GPHN: variants seen among roughly 807,000 people sequenced by gnomAD.
The protein encoded by GPHN is gephyrin.
A neutral mutation model predicts 95.5 loss-of-function variants in GPHN; 17 were observed. That is an observed-to-expected ratio of 0.18 (90% CI 0.12 to 0.27). The LOEUF is 0.27. Among genes scored for constraint, GPHN ranks in the 10% least tolerant of loss-of-function variants. GPHN has a pLI of 1.00. For synonymous variants in GPHN, 320 were observed against 322.5 expected, an observed-to-expected ratio of 0.99 and a Z score of 0.08; for missense variants, 660 against 978.1, an observed-to-expected ratio of 0.67 and a Z score of 4.34.
chr14:67,185,494 T>C (rs140710452), downstream of GPHN, among the ~76,000 whole-genome samples: 3 of 152,366 alleles, frequency 2.0e-5, no homozygotes, highest in Non-Finnish European at 4.4e-5. Context: ...TGACAAATTA[T>C]ATAAGAAGCA....
At chr14:67,163,124 G>A (rs186513426) in intron 19 of GPHN, among the ~76,000 whole-genome samples, 3 of 152,106 alleles carry the variant, frequency 2.0e-5, no homozygotes, top group African/African-American at 7.2e-5. Context: ...TGGGCACATA[G>A]CGAGACCTCA....
intron 1 of GPHN, among the ~76,000 whole-genome samples, chr14:66,522,828 A>T (rs1236490227): frequency 1.3e-5 from 2 of 151,672 alleles, no homozygotes. Flanking sequence ...ATGTTGACTG[A>T]ATATATTCTT....
the GPHN span, among the ~76,000 whole-genome samples, chr14:67,600,894 A>G: frequency 6.6e-6 from 1 of 152,134 alleles, no homozygotes; most frequent in African/African-American, 2.4e-5. Flanking sequence ...CCACAGTTTT[A>G]ATCATGCTTT....
At chr14:66,915,185 A>G (rs2065845558) in intron 5 of GPHN, among the ~76,000 whole-genome samples, 1 of 152,196 alleles carries the variant, frequency 6.6e-6, no homozygotes, top group South Asian at 2.1e-4. Context: ...AGAAAAACTC[A>G]GTCAAGACAT....
At chr14:66,538,662 T>G (rs545582287) in intron 1 of GPHN, among the ~76,000 whole-genome samples, 1 of 152,084 alleles carries the variant, frequency 6.6e-6, no homozygotes, top group South Asian at 2.1e-4. Flanking sequence ...ATTCATTTTT[T>G]TTCCTTCCCT....
chr14:67,150,917 C>G (rs1039953988), intron 18 of GPHN, among the ~76,000 whole-genome samples: 1 of 151,942 alleles, frequency 6.6e-6, no homozygotes, highest in African/African-American at 2.4e-5. Flanking sequence ...CAGATTTATC[C>G]TAATTATATG....
intron 1 of GPHN, among the ~76,000 whole-genome samples, chr14:66,649,849 T>G (rs1472866215): frequency 6.6e-6 from 1 of 152,140 alleles, no homozygotes; most frequent in Non-Finnish European, 1.5e-5. Flanking sequence ...CTGCATCTGG[T>G]GGTAACGCTT....
rs34446302 is a variant in GPHN at position 67,138,887 on chromosome 14, C to CTT, written c.1749-4447_1749-4446dup. 1.7e-3 allele frequency among the ~76,000 whole-genome samples: 162 copies of CTT among 94,686 alleles called. 5 individuals are homozygous for CTT. Among genetic ancestry groups the CTT allele is most frequent in the African/African-American group, 8.5e-3 (143 of 16,828 alleles). The allele number at this position is 94,686 out of a possible 152,430, so 62.1% of individuals were successfully genotyped here. A position where few individuals can be genotyped will look rare whatever the true frequency, so the allele number is the denominator to read the frequency against. On this transcript the variant is annotated intron_variant, in intron 17 of 22. Transcript: ENST00000478722. ...ATACCTCTTGCCACAGCATCCTCTC[C>CTT]TTTTTTTTTTTTTTTTTTTTTTTTT...
the GPHN span, chr14:67,593,981 A>C: frequency 1.3e-6 from 2 of 1,483,474 alleles, no homozygotes; most frequent in Admixed American, 3.5e-5. Context: ...ACAGACAGTA[A>C]GATTACCAAG....
At chr14:67,476,799 C>T in the GPHN span, among the ~76,000 whole-genome samples, 2 of 152,076 alleles carry the variant, frequency 1.3e-5, no homozygotes, top group African/African-American at 4.8e-5. Context: ...ATCTCTTAGA[C>T]ATACGTACCA....
the GPHN span, chr14:67,561,898 A>G: frequency 1.6e-6 from 2 of 1,289,070 alleles, no homozygotes; most frequent in Non-Finnish European, 1.1e-6. Context: ...AATTGAAAAA[A>G]TACATCTAAA....
intron 1 of GPHN, among the ~76,000 whole-genome samples, chr14:66,575,111 G>A (rs1044655434): frequency 5.3e-5 from 8 of 152,278 alleles, no homozygotes; most frequent in Admixed American, 5.2e-4. Flanking sequence ...AATACAGTGA[G>A]TCTGGTAATT....
intron 1 of GPHN, among the ~76,000 whole-genome samples, chr14:66,568,422 A>C (rs2140337874): frequency 6.6e-6 from 1 of 152,324 alleles, no homozygotes; most frequent in African/African-American, 2.4e-5. Context: ...TAACAGTGCC[A>C]TCTACTGAGT....
intron 1 of GPHN, among the ~76,000 whole-genome samples, chr14:66,579,329 A>G (rs1230349458): frequency 6.6e-6 from 1 of 151,804 alleles, no homozygotes; most frequent in Non-Finnish European, 1.5e-5. Context: ...AATGAACAAA[A>G]TGGCAGTTGT....
At chr14:67,470,576 G>T in the GPHN span, 2 of 152,722 alleles carry the variant, frequency 1.3e-5, no homozygotes, top group Non-Finnish European at 2.9e-5. Flanking sequence ...CTTCATAAAT[G>T]CAGGTTCTCA....
At chr14:67,164,826 G>T (rs572889129) in intron 19 of GPHN, among the ~76,000 whole-genome samples, 2 of 151,716 alleles carry the variant, frequency 1.3e-5, no homozygotes, top group African/African-American at 2.4e-5. Flanking sequence ...GTTGTAAATC[G>T]CCAGCAAAAG....
chr14:66,605,129 C>G (rs1304070228), intron 1 of GPHN, among the ~76,000 whole-genome samples: 1 of 152,064 alleles, frequency 6.6e-6, no homozygotes, highest in Admixed American at 6.5e-5. Context: ...GATTCCATAT[C>G]TTTGCGATCG....
intron 9 of GPHN, among the ~76,000 whole-genome samples, chr14:66,994,361 C>A (rs1594759178): frequency 6.6e-6 from 1 of 151,292 alleles, no homozygotes; most frequent in South Asian, 2.1e-4. Context: ...GTAAAACTGT[C>A]TCAAAAAAAA....
the GPHN span, among the ~76,000 whole-genome samples, chr14:67,703,450 G>T: frequency 6.6e-6 from 1 of 152,172 alleles, no homozygotes; most frequent in Non-Finnish European, 1.5e-5. Flanking sequence ...TCTTAAGTTA[G>T]TAATACTATA....
Sources: gnomAD v4.1 joint callset for allele counts (sites outside exome capture counted in the v4.1 genomes callset) on GRCh38, gnomAD v4.1.1 for gene constraint, MANE v1.5 for transcripts, NCBI Gene and HGNC (gene_info 2026-07-23, HGNC 2026-07-21) for gene names.